DNM3: variants seen among roughly 807,000 people sequenced by gnomAD.
The protein encoded by DNM3 is dynamin-3.
A neutral mutation model predicts 101.6 loss-of-function variants in DNM3; 47 were observed. The ratio of observed to expected loss-of-function variants is 0.46; its 90% CI spans 0.37 to 0.59. The LOEUF (loss-of-function observed/expected upper bound fraction) is 0.59, where lower values mean the gene tolerates loss of function less well. Among genes scored for constraint, DNM3 ranks in the 20% least tolerant of loss-of-function variants. DNM3 has a pLI of 0.00. For synonymous variants in DNM3, 385 were observed against 387.9 expected, an observed-to-expected ratio of 0.99 and a Z score of 0.09; for missense variants, 849 against 1,085.7, an observed-to-expected ratio of 0.78 and a Z score of 3.06.
intron 14 of DNM3, among the ~76,000 whole-genome samples, chr1:172,152,279 T>TC (rs2058164601): frequency 6.6e-6 from 1 of 151,708 alleles, no homozygotes; most frequent in Non-Finnish European, 1.5e-5. Flanking sequence ...TTTTTTTTTT[T>TC]CAGTGATCCC....
At chr1:172,401,476 T>C (rs1408156872) in intron 20 of DNM3, among the ~76,000 whole-genome samples, 1 of 152,202 alleles carries the variant, frequency 6.6e-6, no homozygotes, top group East Asian at 1.9e-4. Flanking sequence ...TATTACCTGT[T>C]TGTATCATCA....
In DNM3 at chr1:171,917,904, C is replaced by T. The variant is rs138068782; in HGVS notation, c.162-3844C>T. On this transcript the variant is annotated intron_variant, in intron 1 of 20. Coordinates refer to ENST00000627582, the MANE Select transcript of DNM3 (RefSeq NM_015569.5). ...CAGGTTTTCCCATAAAATATGCTTA[C>T]GGGAGAAAACCTATTGCACAGAAAA... 2.7e-3 allele frequency among the ~76,000 whole-genome samples: 407 copies of T among 152,196 alleles called. 3 individuals carry two copies. The highest frequency in any genetic ancestry group is 5.9e-3 in the African/African-American group (247 of 41,524).
chr1:172,324,843 A>G (rs368503250), intron 17 of DNM3, among the ~76,000 whole-genome samples: 2 of 134,000 alleles, frequency 1.5e-5, no homozygotes, highest in East Asian at 2.1e-4. Flanking sequence ...AAACAAAACA[A>G]AACTTTAAAA....
At chr1:172,328,403 T>C (rs1487035392) in intron 17 of DNM3, among the ~76,000 whole-genome samples, 1 of 152,056 alleles carries the variant, frequency 6.6e-6, no homozygotes, top group East Asian at 1.9e-4. Context: ...ATCTGGATAA[T>C]GAAAATGTGG....
At chr1:171,944,436 C>T (rs1167205928) in intron 2 of DNM3, among the ~76,000 whole-genome samples, 3 of 151,602 alleles carry the variant, frequency 2.0e-5, no homozygotes, top group East Asian at 1.9e-4. Flanking sequence ...AGTATAGTGG[C>T]GGGATCTCAG....
At chr1:172,098,476 C>T (rs2054402778) in intron 13 of DNM3, among the ~76,000 whole-genome samples, 1 of 152,184 alleles carries the variant, frequency 6.6e-6, no homozygotes, top group South Asian at 2.1e-4. Context: ...ATTGTTCAAA[C>T]ACACATGCTC....
intron 17 of DNM3, among the ~76,000 whole-genome samples, chr1:172,345,534 GAGCAGATAATCT>G (rs1245401746): frequency 1.3e-5 from 2 of 152,164 alleles, no homozygotes; most frequent in African/African-American, 4.8e-5. Flanking sequence ...TAATTTTAAA[GAGCAGATAATCT>G]AAATCACACA....
chr1:172,321,591 G>A (rs1557992918), intron 16 of DNM3, among the ~76,000 whole-genome samples: 1 of 152,064 alleles, frequency 6.6e-6, no homozygotes, highest in Non-Finnish European at 1.5e-5. Context: ...CACGTCCTCC[G>A]CTTGTGTGTT....
chr1:171,880,359 T>A (rs2036155860), intron 1 of DNM3, among the ~76,000 whole-genome samples: 1 of 152,240 alleles, frequency 6.6e-6, no homozygotes, highest in African/African-American at 2.4e-5. Flanking sequence ...GATTCAGGTA[T>A]CTCTATGTAT....
At chr1:172,206,198 T>A (rs551887499) in intron 14 of DNM3, among the ~76,000 whole-genome samples, 1 of 152,260 alleles carries the variant, frequency 6.6e-6, no homozygotes, top group Non-Finnish European at 1.5e-5. Flanking sequence ...TGGAATCCAA[T>A]ACTATCAGCT....
chr1:172,395,411 TCCACCCA>T (rs1002578007), intron 20 of DNM3, among the ~76,000 whole-genome samples: 1 of 152,120 alleles, frequency 6.6e-6, no homozygotes, highest in African/African-American at 2.4e-5. Context: ...CCTCAGGTGA[TCCACCCA>T]CCACAGCCTC....
At chr1:171,940,009 T>C (rs1004025324) in intron 2 of DNM3, among the ~76,000 whole-genome samples, 2 of 152,178 alleles carry the variant, frequency 1.3e-5, no homozygotes, top group African/African-American at 4.8e-5. Flanking sequence ...CAGTAGTCAC[T>C]GACCACGCAG....
At chr1:172,004,739 A>G (rs1346870657) in intron 4 of DNM3, among the ~76,000 whole-genome samples, 2 of 152,014 alleles carry the variant, frequency 1.3e-5, no homozygotes, top group African/African-American at 4.8e-5. Context: ...GCATGGGAGA[A>G]TATACAGTCT....
chr1:172,160,036 C>G (rs2058488276), intron 14 of DNM3, among the ~76,000 whole-genome samples: 1 of 147,842 alleles, frequency 6.8e-6, no homozygotes, highest in African/African-American at 2.5e-5. Context: ...CAAAGAAAAA[C>G]TACAGTAAAA....
intron 15 of DNM3, among the ~76,000 whole-genome samples, chr1:172,276,659 C>A (rs181452972): frequency 1.3e-5 from 2 of 149,576 alleles, no homozygotes; most frequent in East Asian, 4.0e-4. Flanking sequence ...GAGTGTGATA[C>A]CACTGTTTAT....
At chr1:172,185,213 G>T (rs908055508) in intron 14 of DNM3, among the ~76,000 whole-genome samples, 1 of 152,074 alleles carries the variant, frequency 6.6e-6, no homozygotes, top group African/African-American at 2.4e-5. Context: ...CAGTGAGATT[G>T]AAAGAGGCCC....
intron 1 of DNM3, among the ~76,000 whole-genome samples, chr1:171,847,633 T>C (rs2032328808): frequency 6.6e-6 from 1 of 152,170 alleles, no homozygotes; most frequent in African/African-American, 2.4e-5. Flanking sequence ...TATAAGGACT[T>C]CCAAGGCACT....
Position 171,841,700 on chromosome 1 carries a change from G to A in DNM3, c.44G>A (p.Arg15His), listed in dbSNP as rs771104962. 4 of 1,611,988 alleles carry A rather than the reference G, an allele frequency of 2.5e-6. No individual in the cohort carries two copies. Among genetic ancestry groups the A allele is most frequent in the South Asian group, 2.2e-5 (2 of 90,650 alleles). ...EMEELIPLVN[R>H]LQDAFSALGQ... ...GAGGAGCTGATCCCGCTGGTGAACC[G>A]TCTGCAGGACGCGTTTTCGGCGCTG... The change falls in exon 1 of 21, where the codon CGT (arginine) becomes CAT (histidine). Residue 15 changes from arginine to histidine, a missense_variant. By Grantham distance (29) the Arg-to-His change is conservative (BLOSUM62 0). Transcript: ENST00000627582.
chr1:172,157,624 A>G (rs2058389467), intron 14 of DNM3, among the ~76,000 whole-genome samples: 2 of 152,076 alleles, frequency 1.3e-5, no homozygotes, highest in Admixed American at 6.6e-5. Context: ...TTGGGTCTGT[A>G]CTGAACATGT....
Sources: gnomAD v4.1 joint callset for allele counts (sites outside exome capture counted in the v4.1 genomes callset) on GRCh38, gnomAD v4.1.1 for gene constraint, MANE v1.5 for transcripts, NCBI Gene and HGNC (gene_info 2026-07-23, HGNC 2026-07-21) for gene names.